Variants in PDGFB observed in about 807,000 individuals in gnomAD.
PDGFB encodes the protein platelet derived growth factor subunit B.
PDGFB carries 6 observed loss-of-function variants against 29.0 expected under a neutral mutation model. The observed-to-expected ratio is 0.21, with a 90% CI of 0.11 to 0.41. The LOEUF (loss-of-function observed/expected upper bound fraction) is 0.41. Among genes scored for constraint, PDGFB ranks in the 10% least tolerant of loss-of-function variants. The pLI, the probability that PDGFB is intolerant of heterozygous loss-of-function variation, is 1.00. For missense variants in PDGFB, 299 were observed against 341.8 expected (o/e 0.87, Z 0.99); for synonymous variants, 144 against 140.8 (o/e 1.02, Z -0.16).
Position 39,242,218 on chromosome 22 carries a change from G to A in PDGFB, c.63+1683C>T, listed in dbSNP as rs1396506814. 3 of 214,330 alleles carry A rather than the reference G, an allele frequency of 1.4e-5. No individual in the cohort carries two copies. The highest frequency in any genetic ancestry group is 2.8e-5 in the Non-Finnish European group (3 of 105,980). 13.3% of individuals were successfully genotyped at this position (214,330 alleles called of 1,614,324 possible). On this transcript the variant is annotated intron_variant, in intron 1 of 6. Coordinates refer to ENST00000331163, the MANE Select transcript of PDGFB (RefSeq NM_002608.4). The surrounding 1 kb of genome is among the most constrained non-coding windows in gnomAD (Gnocchi z 5.7). ...AGAGGCGGGCGCGCGACCTGGCCGC[G>A]GTAGTGCGTGCCCGTCGCTCTGCGC...
intron 1 of PDGFB, among the ~76,000 whole-genome samples, chr22:39,238,464 A>G (rs1359021511): frequency 1.3e-5 from 2 of 152,098 alleles, no homozygotes; most frequent in East Asian, 3.8e-4. Context: ...TAATACCACA[A>G]CTAACATCTA....
chr22:39,243,881 C>T lies in PDGFB; in HGVS notation c.63+20G>A, dbSNP rs774558846. On this transcript the variant is annotated intron_variant, in intron 1 of 6. Transcript: ENST00000331163. This position sits in a 1 kb window ranked among gnomAD's most constrained non-coding sequence, Gnocchi z 6.4. ...AAGGTAATGAATGAAGAACCAGCCC[C>T]AGCCGCCGTGGCAACTCACCTCGGC... 2 of 1,592,316 alleles carry T rather than the reference C, an allele frequency of 1.3e-6. No homozygotes were observed. Among genetic ancestry groups the T allele is most frequent in the Non-Finnish European group, 8.6e-7 (1 of 1,168,346 alleles).
chr22:39,233,798 C>T (rs1054911484), intron 2 of PDGFB, among the ~76,000 whole-genome samples: 13 of 152,324 alleles, frequency 8.5e-5, no homozygotes, highest in African/African-American at 2.9e-4. Flanking sequence ...AAAAATAACC[C>T]TTCCCCTTTG....
intron 2 of PDGFB, among the ~76,000 whole-genome samples, chr22:39,234,271 G>A (rs1392080464): frequency 6.6e-6 from 1 of 152,140 alleles, no homozygotes; most frequent in Non-Finnish European, 1.5e-5. Context: ...CCCTTTTCTA[G>A]CCTGGGCACC....
chr22:39,232,650 C>T (rs988600551), intron 3 of PDGFB, among the ~76,000 whole-genome samples: 3 of 152,190 alleles, frequency 2.0e-5, no homozygotes, highest in Non-Finnish European at 2.9e-5. Context: ...CCACCACGCC[C>T]AGCTAATTTT....
At position 39,242,602 on chromosome 22, in the gene PDGFB, T is replaced by G. The variant is rs940479595; in HGVS notation, c.63+1299A>C. On this transcript the variant is annotated intron_variant, in intron 1 of 6. Coordinates refer to ENST00000331163, the MANE Select transcript of PDGFB (RefSeq NM_002608.4). This position sits in a 1 kb window ranked among gnomAD's most constrained non-coding sequence, Gnocchi z 5.7. ...GGGCGGGGCCCCCGGGCGGGCGGCCTGCGGCCCTCGAGGAGCCCCGAGAAC... is the reference window on the plus strand; with the variant it reads ...GGGCGGGGCCCCCGGGCGGGCGGCCGGCGGCCCTCGAGGAGCCCCGAGAAC... Among the ~76,000 whole-genome samples, 5 of 151,232 alleles carry G rather than the reference T, an allele frequency of 3.3e-5. No individual in the cohort carries two copies. The highest frequency in any genetic ancestry group is 1.2e-4 in the African/African-American group (5 of 41,222).
At chr22:39,235,022 C>T (rs1957322721) in intron 2 of PDGFB, among the ~76,000 whole-genome samples, 1 of 152,170 alleles carries the variant, frequency 6.6e-6, no homozygotes, top group African/African-American at 2.4e-5. Context: ...CCCCCCAGCA[C>T]AGGCGGGATT....
rs66513025 is a variant in PDGFB at position 39,240,921 on chromosome 22, GCA to G, written c.63+2978_63+2979del. On this transcript the variant is annotated intron_variant, in intron 1 of 6. Coordinates refer to ENST00000331163, the MANE Select transcript of PDGFB (RefSeq NM_002608.4). ...CTCTCTCTCTCTCTCTCTCAGATGC[GCA>G]CACACACACACACACACACTCTCTC... 5.4e-3 allele frequency: 6,565 copies of G among 1,213,816 alleles called. 137 individuals are homozygous for G. The highest frequency in any genetic ancestry group is 6.6e-3 in the Non-Finnish European group (5,566 of 837,790). The allele number at this position is 1,213,816 out of a possible 1,614,324, so 75.2% of individuals were successfully genotyped here.
chr22:39,236,130 C>G (rs1932437188), intron 1 of PDGFB, among the ~76,000 whole-genome samples: 1 of 152,158 alleles, frequency 6.6e-6, no homozygotes, highest in Non-Finnish European at 1.5e-5. Context: ...TTGAGTTGGA[C>G]CTGCTTGTCT....
chr22:39,236,676 G>A (rs1932450676), intron 1 of PDGFB, among the ~76,000 whole-genome samples: 1 of 152,152 alleles, frequency 6.6e-6, no homozygotes, highest in Non-Finnish European at 1.5e-5. Flanking sequence ...CCCGTAGGAA[G>A]GTCACAGCCA....
Position 39,231,769 on chromosome 22 carries a change from C to T in PDGFB, c.309G>A (p.Val103=). The T allele has an allele frequency of 2.5e-6, 4 of 1,613,710 alleles. No individual in the cohort carries two copies. Among genetic ancestry groups the T allele is most frequent in the Non-Finnish European group, 1.7e-6 (2 of 1,179,926 alleles). Residue 103 remains valine (V), a synonymous_variant, in exon 4 of 7, where the codon GTG becomes GTA. Transcript: ENST00000331163. The surrounding 1 kb of genome is among the most constrained non-coding windows in gnomAD (Gnocchi z 4.3). ...MIAECKTRTE[V]FEISRRLIDR... ...CTATGAGGCGCCGGGAGATCTCGAA[C>T]ACCTCGGTGCGCGTCTTGCACTCGG...
rs1569141186 is a variant in PDGFB at position 39,243,594 on chromosome 22, G to GGGAA, written c.63+303_63+306dup. ...CCACCCCACCCCCTCTCCCCCGGCC[G>GGGAA]GGAAGGGGCTTGTTCTCGGGTTCCC... On this transcript the variant is annotated intron_variant, in intron 1 of 6. Transcript: ENST00000331163. The surrounding 1 kb of genome is among the most constrained non-coding windows in gnomAD (Gnocchi z 6.4). Among the ~76,000 whole-genome samples, 1 of 152,136 alleles carries GGGAA rather than the reference G, an allele frequency of 6.6e-6. No individual in the cohort carries two copies. Among genetic ancestry groups the GGGAA allele is most frequent in the Non-Finnish European group, 1.5e-5 (1 of 68,012 alleles).
chr22:39,244,311 C>T lies in PDGFB; in HGVS notation c.-348G>A. 1 of 209,450 alleles carries T rather than the reference C, an allele frequency of 4.8e-6. No individual in the cohort carries two copies. Among genetic ancestry groups the T allele is most frequent in the East Asian group, 7.4e-5 (1 of 13,454 alleles). 13.0% of individuals were successfully genotyped at this position (209,450 alleles called of 1,614,324 possible). ...GGGGCGCCCAGGGGACTCCAACCTC[C>T]AAGAGGAAAAGGAACACGGCAGTCG... On this transcript the variant is annotated 5_prime_UTR_variant, in exon 1 of 7. Coordinates refer to ENST00000331163, the MANE Select transcript of PDGFB (RefSeq NM_002608.4). This position sits in a 1 kb window ranked among gnomAD's most constrained non-coding sequence, Gnocchi z 4.5.
intron 5 of PDGFB, 47 bp from the exon 6 acceptor site, chr22:39,225,894 A>G: frequency 6.3e-7 from 1 of 1,578,636 alleles, no homozygotes. Context: ...ACCATTGGGG[A>G]GGTCTCTCCC....
rs1601597458 is a variant in PDGFB at position 39,231,297 on chromosome 22, C to A, written c.456+325G>T. Among the ~76,000 whole-genome samples, 1 of 152,326 alleles carries A rather than the reference C, an allele frequency of 6.6e-6. No homozygotes were observed. Among genetic ancestry groups the A allele is most frequent in the South Asian group, 2.1e-4 (1 of 4,826 alleles). Reference sequence around the variant, plus strand: ...TTTGCGGATACGGCTCTTCAAGGGACGTTTTGCGATTTTGTCCTTGTAAAG... The same window carrying A: ...TTTGCGGATACGGCTCTTCAAGGGAAGTTTTGCGATTTTGTCCTTGTAAAG... On this transcript the variant is annotated intron_variant, in intron 4 of 6. Coordinates refer to ENST00000331163, the MANE Select transcript of PDGFB (RefSeq NM_002608.4). The surrounding 1 kb of genome is among the most constrained non-coding windows in gnomAD (Gnocchi z 4.3).
intron 1 of PDGFB, chr22:39,240,823 G>A (rs757864186): frequency 1.2e-6 from 2 of 1,612,346 alleles, no homozygotes; most frequent in South Asian, 2.2e-5. Context: ...TCAATGTGGG[G>A]AGGGGAAGAC....
At chr22:39,234,012 C>CCCGGG (rs1555922754) in intron 2 of PDGFB, among the ~76,000 whole-genome samples, 1 of 115,178 alleles carries the variant, frequency 8.7e-6, no homozygotes, top group Admixed American at 8.9e-5. Context: ...GCGGGAGCCA[C>CCCGGG]GGAGGGAGGG....
At position 39,244,335 on chromosome 22, in the gene PDGFB, C is replaced by G. The variant is rs970348589; in HGVS notation, c.-372G>C. 3.0e-5 allele frequency: 6 copies of G among 200,760 alleles called. No homozygotes were observed. Among genetic ancestry groups the G allele is most frequent in the African/African-American group, 1.2e-4 (5 of 43,234 alleles). 12.4% of individuals were successfully genotyped at this position (200,760 alleles called of 1,614,324 possible). The stretch of plus-strand genomic sequence containing the variant: ...CCAAGAGGAAAAGGAACACGGCAGT[C>G]GATGGTTCGTCTTCACTCGCCGGCT... On this transcript the variant is annotated 5_prime_UTR_variant, in exon 1 of 7. Coordinates refer to ENST00000331163, the MANE Select transcript of PDGFB (RefSeq NM_002608.4). The surrounding 1 kb of genome is among the most constrained non-coding windows in gnomAD (Gnocchi z 4.5).
intron 3 of PDGFB, among the ~76,000 whole-genome samples, chr22:39,232,308 A>G (rs550590992): frequency 1.3e-5 from 2 of 152,236 alleles, no homozygotes; most frequent in African/African-American, 4.8e-5. Flanking sequence ...TTCCTCCTCT[A>G]TGAAATGGGA....
Sources: allele counts gnomAD v4.1 joint callset (sites outside exome capture counted in the v4.1 genomes callset), GRCh38; gene constraint gnomAD v4.1.1; non-coding constraint Gnocchi (gnomAD v3.1); transcripts MANE v1.5; gene names NCBI Gene and HGNC (gene_info 2026-07-23, HGNC 2026-07-21).